Variants in GLT8D2 observed in about 807,000 individuals in gnomAD.
GLT8D2 encodes glycosyltransferase 8 domain-containing protein 2.
GLT8D2 carries 45 observed loss-of-function variants against 44.5 expected under a neutral mutation model. The observed-to-expected ratio is 1.01, with a 90% CI of 0.80 to 1.30. GLT8D2 has a LOEUF of 1.30. GLT8D2 is among the 50% of genes most tolerant of loss of function. The pLI is 0.00. For missense variants in GLT8D2, 400 were observed against 430.4 expected (o/e 0.93, Z 0.62); for synonymous variants, 156 against 157.2 (o/e 0.99, Z 0.06).
intron 5 of GLT8D2, among the ~76,000 whole-genome samples, chr12:104,000,759 G>A (rs1227147140): frequency 1.3e-5 from 2 of 152,144 alleles, no homozygotes; most frequent in Non-Finnish European, 2.9e-5. Flanking sequence ...CTAAGTGAAT[G>A]ATGAGCAATA....
At chr12:104,031,606 C>T in intron 1 of GLT8D2, 2 of 1,566,068 alleles carry the variant, frequency 1.3e-6, no homozygotes, top group South Asian at 1.1e-5. Flanking sequence ...CCCTCTGCCC[C>T]TCCCACCTGC....
At chr12:104,019,449 A>C (rs1877344683) in intron 3 of GLT8D2, among the ~76,000 whole-genome samples, 181 bp downstream of exon 3, 2 of 152,156 alleles carry the variant, frequency 1.3e-5, no homozygotes, top group Admixed American at 6.6e-5. Flanking sequence ...TTCTGACTAA[A>C]ATACTGAACA....
At chr12:104,004,690 T>C (rs180681386) in intron 4 of GLT8D2, among the ~76,000 whole-genome samples, 30 of 152,292 alleles carry the variant, frequency 2.0e-4, no homozygotes, top group African/African-American at 6.7e-4. Context: ...GAAGGATCTC[T>C]TCAAGGAGAA....
upstream of GLT8D2, among the ~76,000 whole-genome samples, chr12:104,051,018 T>C (rs889976690): frequency 6.6e-6 from 1 of 152,098 alleles, no homozygotes. Flanking sequence ...TTTCGCCATG[T>C]TGGCCAGGCT....
chr12:104,047,656 C>G (rs139680879), intron 1 of GLT8D2, among the ~76,000 whole-genome samples: 23 of 152,230 alleles, frequency 1.5e-4, no homozygotes, highest in Non-Finnish European at 3.1e-4. Context: ...TGGTGCTGCC[C>G]TCATGACCCA....
chr12:104,000,267 C>G (rs998852075), intron 5 of GLT8D2, among the ~76,000 whole-genome samples: 1 of 152,072 alleles, frequency 6.6e-6, no homozygotes, highest in Non-Finnish European at 1.5e-5. Context: ...GATAGACTAA[C>G]AGCAAAATAG....
chr12:103,996,006 G>A (rs959502975), intron 8 of GLT8D2, among the ~76,000 whole-genome samples: 3 of 152,164 alleles, frequency 2.0e-5, no homozygotes, highest in East Asian at 1.9e-4. Context: ...TAACTTGCCC[G>A]AGGTCATAAA....
intron 1 of GLT8D2, among the ~76,000 whole-genome samples, chr12:104,030,438 T>C (rs1365240416): frequency 6.6e-6 from 1 of 151,978 alleles, no homozygotes. Context: ...ACTGTAAAAC[T>C]AGAAGAAAAC....
At chr12:104,014,917 A>T in intron 4 of GLT8D2, 96 bp downstream of exon 4, 1 of 815,858 alleles carries the variant, frequency 1.2e-6, no homozygotes, top group Non-Finnish European at 2.0e-6. Flanking sequence ...CCAAACTGTC[A>T]CTTGTCCCTG....
At chr12:104,006,338 G>C (rs558169050) in intron 4 of GLT8D2, among the ~76,000 whole-genome samples, 1 of 152,094 alleles carries the variant, frequency 6.6e-6, no homozygotes, top group South Asian at 2.1e-4. Context: ...TAACAAACCT[G>C]CACATTGTGC....
intron 10 of GLT8D2, among the ~76,000 whole-genome samples, chr12:103,992,544 G>A (rs1282611747): frequency 6.7e-6 from 1 of 149,800 alleles, no homozygotes; most frequent in Non-Finnish European, 1.5e-5. Context: ...CCAGGCTGGA[G>A]TGCAGTGGCG....
intron 4 of GLT8D2, among the ~76,000 whole-genome samples, chr12:104,009,081 C>T (rs2136321329): frequency 6.6e-6 from 1 of 152,356 alleles, no homozygotes; most frequent in Middle Eastern, 3.4e-3. Context: ...CCTACTGGGG[C>T]ACTGCCTAGT....
At chr12:103,993,205 C>T (rs1593526259) in intron 10 of GLT8D2, among the ~76,000 whole-genome samples, 187 bp downstream of exon 10, 1 of 152,160 alleles carries the variant, frequency 6.6e-6, no homozygotes, top group East Asian at 1.9e-4. Flanking sequence ...ATGGCACATG[C>T]CTGTAATCCC....
At chr12:104,039,505 C>T (rs571876367) in intron 1 of GLT8D2, among the ~76,000 whole-genome samples, 1 of 152,296 alleles carries the variant, frequency 6.6e-6, no homozygotes, top group East Asian at 1.9e-4. Flanking sequence ...AGACACTTCT[C>T]AAAAGAAGAC....
chr12:104,009,905 C>G (rs1370191927), intron 4 of GLT8D2, among the ~76,000 whole-genome samples: 1 of 152,124 alleles, frequency 6.6e-6, no homozygotes, highest in African/African-American at 2.4e-5. Flanking sequence ...TGAGGCCTCC[C>G]CAGCCATGTG....
At chr12:104,025,851 G>T (rs997472784) in intron 1 of GLT8D2, among the ~76,000 whole-genome samples, 10 of 152,094 alleles carry the variant, frequency 6.6e-5, no homozygotes, top group African/African-American at 2.4e-4. Context: ...GAACCTAGAG[G>T]ATGACATGTG....
intron 4 of GLT8D2, among the ~76,000 whole-genome samples, chr12:104,007,265 T>TCCCTCTCC (rs1875181206): frequency 7.3e-6 from 1 of 136,284 alleles, no homozygotes; most frequent in Admixed American, 7.4e-5. Flanking sequence ...TCTCTCTCTC[T>TCCCTCTCC]CCCCCCGCTC....
chr12:103,997,924 C>CACACACACAT (rs1269316300), intron 6 of GLT8D2, among the ~76,000 whole-genome samples: 3 of 125,938 alleles, frequency 2.4e-5, no homozygotes, highest in Non-Finnish European at 5.8e-5. Context: ...TACACACACA[C>CACACACACAT]ACACACACAC....
intron 1 of GLT8D2, chr12:104,030,783 C>A: frequency 1.2e-6 from 2 of 1,611,614 alleles, no homozygotes; most frequent in Non-Finnish European, 1.7e-6. Context: ...GCCGCCATGG[C>A]CGCCTACAAA....
Sources: gnomAD v4.1 joint callset for allele counts (sites outside exome capture counted in the v4.1 genomes callset) on GRCh38, gnomAD v4.1.1 for gene constraint, MANE v1.5 for transcripts, NCBI Gene and HGNC (gene_info 2026-07-23, HGNC 2026-07-21) for gene names.